The following RAD51B variants were observed in gnomAD, a reference collection of about 807,000 sequenced individuals.
RAD51B encodes RAD51 paralog B, also known as DNA repair protein RAD51 homolog 2.
In RAD51B, 38 loss-of-function variants were observed where a neutral mutation model predicts 42.2. The observed-to-expected ratio is 0.90, with a 90% CI of 0.70 to 1.18. The LOEUF (loss-of-function observed/expected upper bound fraction) is 1.18. Among genes scored for constraint, RAD51B ranks in the 50% most tolerant of loss-of-function variants. The pLI, the probability that RAD51B is intolerant of heterozygous loss-of-function variation, is 0.00. For missense variants in RAD51B, 373 were observed against 400.7 expected (o/e 0.93, Z 0.59); for synonymous variants, 154 against 145.2 (o/e 1.06, Z -0.43).
At chr14:68,582,096 G>A (rs952171516) in intron 10 of RAD51B, among the ~76,000 whole-genome samples, 2 of 152,126 alleles carry the variant, frequency 1.3e-5, no homozygotes, top group African/African-American at 2.4e-5. Context: ...ACATAAGCAT[G>A]GGCAAAGACT....
intron 7 of RAD51B, 127 bp downstream of exon 7, chr14:67,887,331 A>G (rs2043092061): frequency 2.6e-6 from 2 of 755,510 alleles, no homozygotes; most frequent in Admixed American, 3.2e-5. Flanking sequence ...TTTTAAAGGT[A>G]GTACAGTCTA....
At chr14:68,018,754 A>T (rs762965947) in intron 7 of RAD51B, among the ~76,000 whole-genome samples, 18 of 152,192 alleles carry the variant, frequency 1.2e-4, no homozygotes, top group Non-Finnish European at 2.5e-4. Flanking sequence ...AAGTAGCAAA[A>T]CCTTTTAAAT....
intron 10 of RAD51B, among the ~76,000 whole-genome samples, chr14:68,516,728 A>G (rs1886180140): frequency 6.6e-6 from 1 of 152,220 alleles, no homozygotes; most frequent in Non-Finnish European, 1.5e-5. Context: ...TTGCTCATGC[A>G]TGATTTTGAA....
intron 7 of RAD51B, among the ~76,000 whole-genome samples, chr14:67,945,717 C>T (rs745719581): frequency 4.6e-5 from 7 of 152,036 alleles, no homozygotes; most frequent in Admixed American, 1.3e-4. Flanking sequence ...TTGATCCACC[C>T]GCCTCAGCCT....
At chr14:68,020,930 A>G (rs12889316) in intron 7 of RAD51B, among the ~76,000 whole-genome samples, 25 of 152,176 alleles carry the variant, frequency 1.6e-4, no homozygotes, top group Admixed American at 1.6e-3. Flanking sequence ...CTTTAGGTGT[A>G]CCACCTTTTA....
rs372712626 is a variant in RAD51B at position 68,270,639 on chromosome 14, T to C, written c.757-21245T>C. ...TTTTATAATGTTAACATCTGTAGAC[T>C]GAGAGCTTGATGAAGACATCACCCA... is the stretch of plus-strand genomic sequence containing the variant. On this transcript the variant is annotated intron_variant, in intron 7 of 10. Coordinates refer to ENST00000471583, the MANE Select transcript of RAD51B (RefSeq NM_133510.4). 1.4e-4 allele frequency among the ~76,000 whole-genome samples: 21 copies of C among 152,352 alleles called. No homozygotes were observed. In the South Asian group the frequency reaches 3.5e-3, roughly 26 times the overall value.
chr14:67,907,205 G>T (rs967713417), intron 7 of RAD51B, among the ~76,000 whole-genome samples: 1 of 151,760 alleles, frequency 6.6e-6, no homozygotes, highest in Non-Finnish European at 1.5e-5. Flanking sequence ...TTGATCTTTT[G>T]TATGGTTTTT....
intron 7 of RAD51B, among the ~76,000 whole-genome samples, chr14:68,108,986 G>C (rs2077419843): frequency 1.3e-5 from 2 of 151,712 alleles, no homozygotes; most frequent in Admixed American, 6.6e-5. Context: ...ATACCAGCTA[G>C]ACTTATTATA....
rs151262361 is a variant in RAD51B, at chr14:68,495,076, G to A, written c.1036+26826G>A. ...GCCAGAGTCGGGATCTTCTATTCAG[G>A]CAGAGATTATATAACTCCCTGGGCC... is the stretch of plus-strand genomic sequence containing the variant. On this transcript the variant is annotated intron_variant, in intron 10 of 10. Coordinates refer to the RAD51B transcript ENST00000487270. Among the ~76,000 whole-genome samples, 14 of 152,222 alleles carry A rather than the reference G, an allele frequency of 9.2e-5. No homozygotes were observed. In the East Asian group the frequency reaches 2.3e-3, roughly 25 times the overall value.
chr14:68,083,509 G>A (rs559935297), intron 7 of RAD51B, among the ~76,000 whole-genome samples: 3 of 152,234 alleles, frequency 2.0e-5, no homozygotes, highest in African/African-American at 4.8e-5. Flanking sequence ...TTTTGCGCTC[G>A]TTGTATCATA....
rs34794289 is a variant in RAD51B at position 67,941,473 on chromosome 14, T to C, written c.756+54269T>C. On this transcript the variant is annotated intron_variant, in intron 7 of 10. Transcript: ENST00000471583. Reference sequence around the variant, plus strand: ...GGGAGGATTTTGCTCTAATTTTGCATGGGGTAAAATAGGTAAAGTGAATTC... The same window carrying C: ...GGGAGGATTTTGCTCTAATTTTGCACGGGGTAAAATAGGTAAAGTGAATTC... Among the ~76,000 whole-genome samples, 1,349 of 152,296 alleles carry C rather than the reference T, an allele frequency of 8.9e-3. 21 individuals are homozygous for C. The highest frequency in any genetic ancestry group is 0.031 in the African/African-American group (1,268 of 41,546).
intron 8 of RAD51B, among the ~76,000 whole-genome samples, chr14:68,409,313 G>T (rs1282642277): frequency 6.6e-6 from 1 of 152,172 alleles, no homozygotes; most frequent in Non-Finnish European, 1.5e-5. Flanking sequence ...GACTGAGAGG[G>T]TTGTGAATTT....
intron 7 of RAD51B, among the ~76,000 whole-genome samples, chr14:68,161,702 G>C (rs1460845590): frequency 6.6e-6 from 1 of 152,204 alleles, no homozygotes; most frequent in Non-Finnish European, 1.5e-5. Flanking sequence ...TCACGAGGCT[G>C]CATAGCTAAT....
intron 10 of RAD51B, among the ~76,000 whole-genome samples, chr14:68,632,204 A>C (rs980908892): frequency 4.0e-5 from 6 of 151,774 alleles, no homozygotes; most frequent in African/African-American, 1.5e-4. Flanking sequence ...CTTCTTGCCC[A>C]TCTAGTGTCT....
chr14:67,954,491 T>A (rs894290792), intron 7 of RAD51B, among the ~76,000 whole-genome samples: 1 of 152,210 alleles, frequency 6.6e-6, no homozygotes, highest in African/African-American at 2.4e-5. Context: ...CATCATATGG[T>A]CCACTCTCCA....
Position 68,093,694 on chromosome 14 carries a change from A to G in RAD51B, c.757-198190A>G, listed in dbSNP as rs928792866. On this transcript the variant is annotated intron_variant, in intron 7 of 10. Transcript: ENST00000471583. ...TTTTTGAAGGGTGTTTTGTGTCTCT[A>G]TTTCCTTCAGTTCTGCTCCGATCTT... Among the ~76,000 whole-genome samples, 9 of 151,986 alleles carry G rather than the reference A, an allele frequency of 5.9e-5. No individual in the cohort carries two copies. The South Asian group carries it at 8.3e-4, about 14-fold the overall frequency.
chr14:68,366,375 T>C (rs35241771), intron 8 of RAD51B, among the ~76,000 whole-genome samples: 125 of 152,324 alleles, frequency 8.2e-4, no homozygotes, highest in Admixed American at 7.3e-3. Context: ...CTGAATCTAT[T>C]TGGTATTCAT....
chr14:68,678,906 T>C (rs758102276), intron 11 of RAD51B, among the ~76,000 whole-genome samples: 20 of 151,978 alleles, frequency 1.3e-4, no homozygotes, highest in Admixed American at 8.5e-4. Flanking sequence ...GCCCAGATGC[T>C]CCAGCTCCAC....
At chr14:68,441,182 A>T (rs1006413776) in intron 9 of RAD51B, among the ~76,000 whole-genome samples, 1 of 152,206 alleles carries the variant, frequency 6.6e-6, no homozygotes, top group Non-Finnish European at 1.5e-5. Context: ...AAGGGAGCCT[A>T]TGAAGTGAAT....
Sources: gnomAD v4.1 joint callset for allele counts (sites outside exome capture counted in the v4.1 genomes callset) on GRCh38, gnomAD v4.1.1 for gene constraint, MANE v1.5 for transcripts, NCBI Gene and HGNC (gene_info 2026-07-23, HGNC 2026-07-21) for gene names.